Variants in WNT5A observed in about 807,000 individuals in gnomAD.
WNT5A encodes the protein Wnt family member 5A.
WNT5A carries 9 observed loss-of-function variants against 42.1 expected under a neutral mutation model. The ratio of observed to expected loss-of-function variants is 0.21; its 90% CI spans 0.13 to 0.37. The LOEUF is 0.37. Among genes scored for constraint, WNT5A ranks in the 10% least tolerant of loss-of-function variants. WNT5A has a pLI of 1.00. For missense variants in WNT5A, 426 were observed against 534.0 expected (o/e 0.80, Z 1.99); for synonymous variants, 210 against 210.0 (o/e 1.00, Z 0.00).
chr3:55,496,898 TG>T, the WNT5A span, among the ~76,000 whole-genome samples: 2 of 152,242 alleles, frequency 1.3e-5, no homozygotes, highest in African/African-American at 2.4e-5. Flanking sequence ...TTAAAGCTTA[TG>T]GAAAGTAAGG....
At position 55,466,032 on chromosome 3, in the gene WNT5A, A is replaced by G. The variant is rs1165633878; in HGVS notation, c.*4060T>C. 1.3e-5 allele frequency: 2 copies of G among 152,232 alleles called. No homozygotes were observed. Among genetic ancestry groups the G allele is most frequent in the Admixed American group, 1.3e-4 (2 of 15,286 alleles). 9.4% of individuals were successfully genotyped at this position (152,232 alleles called of 1,614,324 possible). A position where few individuals can be genotyped will look rare whatever the true frequency, so the allele number is the denominator to read the frequency against. ...CAGATTAAAGTGTAAAGTTTGTGTG[A>G]ACAGGGAAATTAGATCATTTCTCTA... On this transcript the variant is annotated 3_prime_UTR_variant, in exon 5 of 5. Coordinates refer to ENST00000264634, the MANE Select transcript of WNT5A (RefSeq NM_003392.7).
chr3:55,479,567 G>A lies in WNT5A; in HGVS notation c.141-3C>T. ...CAGGGTTATTCATACCTAGCGACCT[G>A]CAAGGGGGGGAGATGTGCATTCAAG... is the stretch of plus-strand genomic sequence containing the variant. On this transcript the variant is annotated splice_polypyrimidine_tract_variant and splice_region_variant and intron_variant, in intron 2 of 4. Transcript: ENST00000264634. 6.3e-7 allele frequency: 1 copy of A among 1,579,590 alleles called. No individual in the cohort carries two copies. The highest frequency in any genetic ancestry group is 8.6e-7 in the Non-Finnish European group (1 of 1,158,056).
At chr3:55,482,365 C>G (rs537634838) in intron 1 of WNT5A, among the ~76,000 whole-genome samples, 1 of 152,326 alleles carries the variant, frequency 6.6e-6, no homozygotes, top group South Asian at 2.1e-4. Context: ...TTTTAAAAAT[C>G]CCCTTACACG....
At position 55,470,019 on chromosome 3, in the gene WNT5A, A is replaced by G; in HGVS notation, c.*73T>C. 1 of 1,584,162 alleles carries G rather than the reference A, an allele frequency of 6.3e-7. No homozygotes were observed. Among genetic ancestry groups the G allele is most frequent in the South Asian group, 1.1e-5 (1 of 87,094 alleles). On this transcript the variant is annotated 3_prime_UTR_variant, in exon 5 of 5. Transcript: ENST00000264634. ...AAAATAAAAAATATTTCTAAAAACC[A>G]AAAACCAGAATCACTGTACTTTCTA...
chr3:55,478,042 A>G (rs1404864028), intron 3 of WNT5A, among the ~76,000 whole-genome samples: 1 of 152,210 alleles, frequency 6.6e-6, no homozygotes, highest in Non-Finnish European at 1.5e-5. Flanking sequence ...TTAACTACAT[A>G]AGACAGCCCA....
chr3:55,482,645 A>G (rs2106969776), intron 1 of WNT5A, among the ~76,000 whole-genome samples: 1 of 152,292 alleles, frequency 6.6e-6, no homozygotes, highest in Non-Finnish European at 1.5e-5. Flanking sequence ...GCGCCTGCTA[A>G]GCAGGGCTCC....
chr3:55,491,287 A>G (rs1038333750), upstream of WNT5A, among the ~76,000 whole-genome samples: 2 of 152,180 alleles, frequency 1.3e-5, no homozygotes, highest in African/African-American at 4.8e-5. Flanking sequence ...TTGGAAGGAG[A>G]GAAACCAATG....
At chr3:55,500,977 G>C in the WNT5A span, among the ~76,000 whole-genome samples, 2 of 152,178 alleles carry the variant, frequency 1.3e-5, no homozygotes, top group East Asian at 3.9e-4. Flanking sequence ...AATTTTCCAA[G>C]ACTTTACAAA....
intron 4 of WNT5A, among the ~76,000 whole-genome samples, chr3:55,470,890 A>G (rs1316304757): frequency 2.6e-5 from 4 of 152,120 alleles, no homozygotes; most frequent in Non-Finnish European, 5.9e-5. Context: ...ACAATGCATT[A>G]CCTGAATTAA....
In WNT5A at chr3:55,473,465, G is replaced by GA. The variant is rs571506485; in HGVS notation, c.684+871dup. ...TAAAGTGCCATGTGTTTAACCGCAG[G>GA]AAAAAAAGGGTCTTTTTAACTATTG... On this transcript the variant is annotated intron_variant, in intron 4 of 4. Transcript: ENST00000264634. Among the ~76,000 whole-genome samples the GA allele has an allele frequency of 6.1e-3, 923 of 151,946 alleles. 9 individuals carry two copies. Among genetic ancestry groups the GA allele is most frequent in the Non-Finnish European group, 9.3e-3 (631 of 67,910 alleles).
Position 55,483,380 on chromosome 3 carries a change from G to C in WNT5A, c.7-2462C>G, listed in dbSNP as rs2051507351. Among the ~76,000 whole-genome samples, 1 of 152,044 alleles carries C rather than the reference G, an allele frequency of 6.6e-6. No individual in the cohort carries two copies. Among genetic ancestry groups the C allele is most frequent in the Admixed American group, 6.6e-5 (1 of 15,262 alleles). ...AACCGAGAAAAGGCCCCACAAGTTT[G>C]AGACACTCAAAGAACTCACAGCGAA... On this transcript the variant is annotated intron_variant, in intron 1 of 4. Coordinates refer to ENST00000264634, the MANE Select transcript of WNT5A (RefSeq NM_003392.7). This position sits in a 1 kb window ranked among gnomAD's most constrained non-coding sequence, Gnocchi z 4.2.
intron 4 of WNT5A, among the ~76,000 whole-genome samples, chr3:55,471,118 C>G (rs1303401686): frequency 6.6e-6 from 1 of 152,206 alleles, no homozygotes; most frequent in Non-Finnish European, 1.5e-5. Context: ...CCAGTGGGAT[C>G]AGGGTTCAAA....
upstream of WNT5A, chr3:55,487,360 C>T: frequency 3.3e-6 from 1 of 300,510 alleles, no homozygotes; most frequent in Middle Eastern, 9.5e-4. Flanking sequence ...GTAATTAGGG[C>T]TTTCCAACCC....
Position 55,482,010 on chromosome 3 carries a change from ACTGCGAGC to A in WNT5A, c.7-1100_7-1093del, listed in dbSNP as rs1340063532. ...TTGTGGGCCACTTTGCCATCGCGGC[ACTGCGAGC>A]CTGTCGTTGGAACTCTGCCACCCTG... On this transcript the variant is annotated intron_variant, in intron 1 of 4. Coordinates refer to ENST00000264634, the MANE Select transcript of WNT5A (RefSeq NM_003392.7). 2.6e-5 allele frequency among the ~76,000 whole-genome samples: 4 copies of A among 152,236 alleles called. No individual in the cohort carries two copies. The East Asian group carries it at 7.7e-4, about 29-fold the overall frequency.
intron 4 of WNT5A, among the ~76,000 whole-genome samples, chr3:55,473,137 C>T (rs746479317): frequency 8.5e-5 from 13 of 152,212 alleles, no homozygotes; most frequent in Admixed American, 2.6e-4. Context: ...TCAATAAAAA[C>T]GTACCTAGGC....
chr3:55,470,533 A>C lies in WNT5A; in HGVS notation c.702T>G (p.Ala234=). The C allele has an allele frequency of 1.3e-6, 2 of 1,564,722 alleles. No homozygotes were observed. The highest frequency in any genetic ancestry group is 4.6e-5 in the East Asian group (2 of 43,534). ...CCCCATGGCACTTGCAGGCCACATC[A>C]GCCAGGTTGTACACCGTCTGCAGGG... ...EAGRRTVYNL[A]DVACKCHGVS... The change falls in exon 5 of 5, where the codon GCT becomes GCG. Residue 234 remains alanine, a synonymous_variant. Transcript: ENST00000264634.
rs2106974913 is a variant in WNT5A, at chr3:55,483,190, C to T, written c.7-2272G>A. ...AGAGCCCAGGCCAACTGAGAGCGGG[C>T]CCATCCGGTCACCAAGACTTGGGTC... On this transcript the variant is annotated intron_variant, in intron 1 of 4. Coordinates refer to ENST00000264634, the MANE Select transcript of WNT5A (RefSeq NM_003392.7). The surrounding 1 kb of genome is among the most constrained non-coding windows in gnomAD (Gnocchi z 4.2). 6.6e-6 allele frequency among the ~76,000 whole-genome samples: 1 copy of T among 152,284 alleles called. No homozygotes were observed. The highest frequency in any genetic ancestry group is 2.1e-4 in the South Asian group (1 of 4,830).
chr3:55,476,363 T>C (rs1467084205), intron 3 of WNT5A, among the ~76,000 whole-genome samples: 1 of 152,202 alleles, frequency 6.6e-6, no homozygotes, highest in African/African-American at 2.4e-5. Context: ...GTTACACCTA[T>C]CTAGCGGGAT....
rs1335027961 is a variant in WNT5A at position 55,474,576 on chromosome 3, C to A, written c.445G>T (p.Ala149Ser). The change falls in exon 4 of 5, where the codon GCC (alanine) becomes TCC (serine). Residue 149 changes from alanine (A) to serine (S), a missense_variant. By Grantham distance (99) the Ala-to-Ser change is moderately conservative. Transcript: ENST00000264634. Reference sequence around the variant, plus strand: ...CCCTCGCGGCACGCCCGGCTCATGGCGTTCACCACCCCTGCTGCGCTCACC... The same window carrying A: ...CCCTCGCGGCACGCCCGGCTCATGGAGTTCACCACCCCTGCTGCGCTCACC... Reference protein sequence around the residue: ...YAVSAAGVVNAMSRACREGEL... With the variant: ...YAVSAAGVVNSMSRACREGEL... 4.7e-6 allele frequency: 7 copies of A among 1,500,368 alleles called. No homozygotes were observed. The highest frequency in any genetic ancestry group is 6.2e-6 in the Non-Finnish European group (7 of 1,129,024). The allele number at this position is 1,500,368 out of a possible 1,614,324, so 92.9% of individuals were successfully genotyped here. A position where few individuals can be genotyped will look rare whatever the true frequency, so the allele number is the denominator to read the frequency against.
Sources: allele counts gnomAD v4.1 joint callset (sites outside exome capture counted in the v4.1 genomes callset), GRCh38; gene constraint gnomAD v4.1.1; non-coding constraint Gnocchi (gnomAD v3.1); transcripts MANE v1.5; gene names NCBI Gene and HGNC (gene_info 2026-07-23, HGNC 2026-07-21).